PODXL: variants seen among roughly 807,000 people sequenced by gnomAD.
PODXL encodes podocalyxin.
PODXL carries 20 observed loss-of-function variants against 48.9 expected under a neutral mutation model. The ratio of observed to expected loss-of-function variants is 0.41; its 90% CI spans 0.29 to 0.59. PODXL has a LOEUF of 0.59. Ranked by LOEUF, PODXL falls within the 20% of genes least tolerant of loss-of-function variation. PODXL has a pLI of 0.31. For synonymous variants in PODXL, 295 were observed against 287.4 expected (o/e 1.03, Z -0.27); for missense variants, 606 against 675.1 (o/e 0.90, Z 1.13).
rs1369930727 is a variant in PODXL at position 131,502,958 on chromosome 7, C to G, written c.*1353G>C. 1 of 152,730 alleles carries G rather than the reference C, an allele frequency of 6.5e-6. No individual in the cohort carries two copies. Among genetic ancestry groups the G allele is most frequent in the Non-Finnish European group, 1.5e-5 (1 of 68,112 alleles). 9.5% of individuals were successfully genotyped at this position (152,730 alleles called of 1,614,324 possible). A position where few individuals can be genotyped will look rare whatever the true frequency, so the allele number is the denominator to read the frequency against. ...CCAGGCCAGGACAGTGGGACGTTCC[C>G]ACAACAGTCTGTCCCCCAGGCTGCC... On this transcript the variant is annotated 3_prime_UTR_variant, in exon 9 of 9. Coordinates refer to ENST00000378555, the MANE Select transcript of PODXL (RefSeq NM_001018111.3).
At chr7:131,524,377 CACAGAG>C (rs1348217394) in intron 1 of PODXL, among the ~76,000 whole-genome samples, 135 of 24,070 alleles carry the variant, frequency 5.6e-3, no homozygotes, top group East Asian at 0.026. Context: ...CACACACACA[CACAGAG>C]AGAGAGAGAG....
At chr7:131,518,209 G>A (rs904138222) in intron 1 of PODXL, among the ~76,000 whole-genome samples, 2 of 152,078 alleles carry the variant, frequency 1.3e-5, no homozygotes, top group Non-Finnish European at 2.9e-5. Flanking sequence ...TTTTTGCGGG[G>A]GGAATGCCAT....
rs569372518 is a variant in PODXL at position 131,532,120 on chromosome 7, A to C, written c.101-20687T>G. ...TCCATCTCAAAATAATAATAATAAT[A>C]ATAATCATCATCATCATCATCATCA... On this transcript the variant is annotated intron_variant, in intron 1 of 8. Transcript: ENST00000378555. Among the ~76,000 whole-genome samples, 555 of 144,800 alleles carry C rather than the reference A, an allele frequency of 3.8e-3. 7 individuals carry two copies. The highest frequency in any genetic ancestry group is 0.013 in the African/African-American group (526 of 39,170). The allele number at this position is 144,800 out of a possible 152,430, so 95.0% of individuals were successfully genotyped here. A position where few individuals can be genotyped will look rare whatever the true frequency, so the allele number is the denominator to read the frequency against.
chr7:131,506,537 C>T (rs1004512314), intron 6 of PODXL, 42 bp downstream of exon 6: 3 of 1,599,566 alleles, frequency 1.9e-6, no homozygotes, highest in Non-Finnish European at 2.6e-6. Flanking sequence ...CCCATTCCCA[C>T]CCATGCAGGC....
chr7:131,505,747 G>A, intron 8 of PODXL, 121 bp downstream of exon 8: 2 of 956,092 alleles, frequency 2.1e-6, no homozygotes, highest in Non-Finnish European at 3.0e-6. Context: ...GGTGGCCTCT[G>A]CCTGTTAGAA....
intron 8 of PODXL, among the ~76,000 whole-genome samples, chr7:131,505,511 G>A (rs975973199): frequency 6.6e-6 from 1 of 152,300 alleles, no homozygotes; most frequent in Non-Finnish European, 1.5e-5. Flanking sequence ...GGCGGGCGTG[G>A]TGGTGGGCAC....
At position 131,539,201 on chromosome 7, in the gene PODXL, A is replaced by AG. The variant is rs201342886; in HGVS notation, c.100+17058dup. ...ATCCAAGATGTGATGCAGCCTCCACAGAAAAAGTGAGCTCTGCAAATGGAG... is the reference window on the plus strand; with the variant it reads ...ATCCAAGATGTGATGCAGCCTCCACAGGAAAAAGTGAGCTCTGCAAATGGAG... On this transcript the variant is annotated intron_variant, in intron 1 of 8. Transcript: ENST00000378555. Among the ~76,000 whole-genome samples the AG allele has an allele frequency of 4.6e-3, 695 of 152,334 alleles. 3 individuals are homozygous for AG. The highest frequency in any genetic ancestry group is 0.016 in the African/African-American group (657 of 41,584).
In PODXL at chr7:131,510,337, A is replaced by G. The variant is rs1323506729; in HGVS notation, c.707-6T>C. ...ATGGTGAAACACTGTCTCTACTTGA[A>G]AAAAAAAAAAAAAAAAAAAAAAAAA... On this transcript the variant is annotated splice_polypyrimidine_tract_variant and splice_region_variant and intron_variant, in intron 2 of 8. Coordinates refer to ENST00000378555, the MANE Select transcript of PODXL (RefSeq NM_001018111.3). The G allele has an allele frequency of 4.2e-3, 3 of 718 alleles. No homozygotes were observed. The highest frequency in any genetic ancestry group is 6.1e-3 in the African/African-American group (2 of 328). 0.0% of individuals were successfully genotyped at this position (718 alleles called of 1,614,324 possible). A position where few individuals can be genotyped will look rare whatever the true frequency, so the allele number is the denominator to read the frequency against.
At chr7:131,546,298 A>C (rs1402847408) in intron 1 of PODXL, among the ~76,000 whole-genome samples, 1 of 152,202 alleles carries the variant, frequency 6.6e-6, no homozygotes, top group Non-Finnish European at 1.5e-5. Flanking sequence ...GGGCGTGTCC[A>C]GGAGCTGATT....
chr7:131,547,394 A>AAAAAAAC (rs1798597238), intron 1 of PODXL, among the ~76,000 whole-genome samples: 1 of 151,566 alleles, frequency 6.6e-6, no homozygotes, highest in African/African-American at 2.4e-5. Context: ...AAAAAAAAAA[A>AAAAAAAC]AAAATCAACA....
In PODXL at chr7:131,501,410, C is replaced by G. The variant is rs1211639892; in HGVS notation, c.*2901G>C. 6.6e-6 allele frequency: 1 copy of G among 152,532 alleles called. No individual in the cohort carries two copies. The highest frequency in any genetic ancestry group is 1.5e-5 in the Non-Finnish European group (1 of 68,020). The allele number at this position is 152,532 out of a possible 1,614,324, so 9.4% of individuals were successfully genotyped here. Reference sequence around the variant, plus strand: ...CTTCAAAGTTTCTCCAGTATATTGTCAAAAAAGATAAAGCTCAAGAAGTGG... The same window carrying G: ...CTTCAAAGTTTCTCCAGTATATTGTGAAAAAAGATAAAGCTCAAGAAGTGG... On this transcript the variant is annotated 3_prime_UTR_variant, in exon 9 of 9. Coordinates refer to ENST00000378555, the MANE Select transcript of PODXL (RefSeq NM_001018111.3).
chr7:131,506,423 T>C, intron 6 of PODXL, 102 bp from the exon 7 acceptor site: 1 of 1,452,096 alleles, frequency 6.9e-7, no homozygotes, highest in African/African-American at 1.4e-5. Flanking sequence ...CTCAGTCTCC[T>C]GAGTGTCTCT....
rs1797742995 is a variant in PODXL at position 131,503,361 on chromosome 7, ACAG to A, written c.*947_*949del. The A allele has an allele frequency of 6.6e-6, 1 of 152,334 alleles. No individual in the cohort carries two copies. Among genetic ancestry groups the A allele is most frequent in the Non-Finnish European group, 1.5e-5 (1 of 68,084 alleles). The allele number at this position is 152,334 out of a possible 1,614,324, so 9.4% of individuals were successfully genotyped here. On this transcript the variant is annotated 3_prime_UTR_variant, in exon 9 of 9. Transcript: ENST00000378555. ...AAGGAACACGCTGCTCTCACTAGCT[ACAG>A]CAGATTTTAGTCCCTGGTGGAAATG...
Position 131,556,599 on chromosome 7 carries a change from G to C in PODXL, c.-240C>G, listed in dbSNP as rs1468362468. ...GCGGCGGCGGCGGCGGCTGCGTCCT[G>C]GGCGGCGTCTGCGCGGCTGCGGCCC... On this transcript the variant is annotated 5_prime_UTR_variant, in exon 1 of 9. Transcript: ENST00000378555. 6.1e-6 allele frequency: 2 copies of C among 327,608 alleles called. No homozygotes were observed. Among genetic ancestry groups the C allele is most frequent in the African/African-American group, 4.4e-5 (2 of 45,668 alleles). 20.3% of individuals were successfully genotyped at this position (327,608 alleles called of 1,614,324 possible).
At position 131,506,987 on chromosome 7, in the gene PODXL, C is replaced by T; in HGVS notation, c.1102-261G>A. 1.3e-5 allele frequency: 6 copies of T among 470,172 alleles called. No homozygotes were observed. The South Asian group carries it at 1.7e-4, about 14-fold the overall frequency. The allele number at this position is 470,172 out of a possible 1,614,324, so 29.1% of individuals were successfully genotyped here. A position where few individuals can be genotyped will look rare whatever the true frequency, so the allele number is the denominator to read the frequency against. Reference sequence around the variant, plus strand: ...GTGTTTATCTGGTCTACGCTTGCACCTTTCATTCCTTTCACCCTAGTGCCT... The same window carrying T: ...GTGTTTATCTGGTCTACGCTTGCACTTTTCATTCCTTTCACCCTAGTGCCT... On this transcript the variant is annotated intron_variant, in intron 5 of 8. Coordinates refer to ENST00000378555, the MANE Select transcript of PODXL (RefSeq NM_001018111.3).
At chr7:131,527,337 C>T (rs1798204312) in intron 1 of PODXL, among the ~76,000 whole-genome samples, 1 of 152,042 alleles carries the variant, frequency 6.6e-6, no homozygotes, top group Non-Finnish European at 1.5e-5. Flanking sequence ...AACACTCATA[C>T]GGTTCTACTT....
chr7:131,520,647 T>A (rs1434216220), intron 1 of PODXL: 1 of 161,300 alleles, frequency 6.2e-6, no homozygotes, highest in Admixed American at 6.5e-5. Flanking sequence ...TTACATGAAC[T>A]TTCTGTAGCA....
chr7:131,521,174 C>G (rs1333468740), intron 1 of PODXL, among the ~76,000 whole-genome samples: 4 of 136,300 alleles, frequency 2.9e-5, no homozygotes, highest in African/African-American at 7.9e-5. Flanking sequence ...AAAAAAAAAG[C>G]TGAGAAGCCA....
In PODXL at chr7:131,506,169, G is replaced by A. The variant is rs1053826036; in HGVS notation, c.1311+91C>T. The stretch of plus-strand genomic sequence containing the variant: ...CCTCTTCTACATGCAGGCACATGAC[G>A]GGGTTCCTCCCCACAGAGAGAGGGG... On this transcript the variant is annotated intron_variant, in intron 7 of 8. Coordinates refer to ENST00000378555, the MANE Select transcript of PODXL (RefSeq NM_001018111.3). 43 of 1,546,758 alleles carry A rather than the reference G, an allele frequency of 2.8e-5. 1 individual carries two copies. Among genetic ancestry groups the A allele is most frequent in the South Asian group, 1.3e-4 (12 of 89,126 alleles).
Sources: gnomAD v4.1 joint callset for allele counts (sites outside exome capture counted in the v4.1 genomes callset) on GRCh38, gnomAD v4.1.1 for gene constraint, MANE v1.5 for transcripts, NCBI Gene and HGNC (gene_info 2026-07-23, HGNC 2026-07-21) for gene names.